The following SCUBE2 variants were observed in gnomAD, a reference collection of about 807,000 sequenced individuals.
SCUBE2 encodes signal peptide, CUB domain and EGF like domain containing 2.
Under a neutral mutation model 125.9 loss-of-function variants are expected in SCUBE2, and 114 were observed. The observed-to-expected ratio is 0.91, with a 90% CI of 0.78 to 1.06. The LOEUF (loss-of-function observed/expected upper bound fraction) is 1.06. Among genes scored for constraint, SCUBE2 ranks in the 50% least tolerant of loss-of-function variants. The pLI is 0.00. For synonymous variants in SCUBE2, 459 were observed against 492.9 expected (o/e 0.93, Z 0.91); for missense variants, 1,255 against 1,301.8 (o/e 0.96, Z 0.55).
At chr11:9,051,375 T>C (rs1349953896) in intron 13 of SCUBE2, among the ~76,000 whole-genome samples, 1 of 152,156 alleles carries the variant, frequency 6.6e-6, no homozygotes, top group Non-Finnish European at 1.5e-5. Flanking sequence ...AGTTCAAATC[T>C]GGATAAGCCC....
intron 13 of SCUBE2, 126 bp downstream of exon 13, chr11:9,052,620 C>G (rs145192630): frequency 3.1e-5 from 21 of 679,856 alleles, no homozygotes; most frequent in African/African-American, 3.1e-4. Flanking sequence ...CACCCTGGAA[C>G]ATGCTCACAG....
chr11:9,067,293 A>C (rs987720712), intron 5 of SCUBE2, among the ~76,000 whole-genome samples: 12 of 152,240 alleles, frequency 7.9e-5, no homozygotes, highest in African/African-American at 2.9e-4. Context: ...AAGGATAATC[A>C]CAGGATGATT....
chr11:9,042,325 C>G (rs1857328111), intron 16 of SCUBE2, among the ~76,000 whole-genome samples: 2 of 152,086 alleles, frequency 1.3e-5, no homozygotes, highest in African/African-American at 2.4e-5. Flanking sequence ...CATGAATGTC[C>G]CTTAGATCCT....
intron 2 of SCUBE2, 107 bp downstream of exon 2, chr11:9,089,600 A>G: frequency 2.4e-6 from 3 of 1,262,708 alleles, no homozygotes; most frequent in Non-Finnish European, 3.3e-6. Flanking sequence ...GGGCTGGGGG[A>G]AAGGGAGAGG....
At chr11:9,028,379 A>G (rs1279925297) in intron 19 of SCUBE2, among the ~76,000 whole-genome samples, 2 of 152,182 alleles carry the variant, frequency 1.3e-5, no homozygotes, top group East Asian at 3.9e-4. Flanking sequence ...ATTAGCTATC[A>G]GTAGGTACAG....
At chr11:9,067,147 T>C (rs1429434610) in intron 5 of SCUBE2, among the ~76,000 whole-genome samples, 1 of 152,172 alleles carries the variant, frequency 6.6e-6, no homozygotes, top group African/African-American at 2.4e-5. Flanking sequence ...CTAGAGAAGT[T>C]TACCTATTAA....
intron 2 of SCUBE2, among the ~76,000 whole-genome samples, chr11:9,081,413 C>G (rs1174822761): frequency 6.6e-6 from 1 of 152,162 alleles, no homozygotes; most frequent in Non-Finnish European, 1.5e-5. Flanking sequence ...TTTGACTACT[C>G]TAAGTATCTC....
chr11:9,083,213 A>T (rs1030227743), intron 2 of SCUBE2, among the ~76,000 whole-genome samples: 2 of 152,090 alleles, frequency 1.3e-5, no homozygotes, highest in African/African-American at 2.4e-5. Flanking sequence ...TAAAAGTGGA[A>T]TACGAAAAGA....
intron 10 of SCUBE2, among the ~76,000 whole-genome samples, 180 bp downstream of exon 10, chr11:9,055,613 T>C (rs902926515): frequency 6.6e-6 from 1 of 152,214 alleles, no homozygotes; most frequent in Non-Finnish European, 1.5e-5. Context: ...AAGGGATACA[T>C]GTGGGGAGAT....
intron 16 of SCUBE2, among the ~76,000 whole-genome samples, chr11:9,039,121 G>C (rs1178455696): frequency 6.6e-6 from 1 of 152,014 alleles, no homozygotes; most frequent in Non-Finnish European, 1.5e-5. Flanking sequence ...ATCCGAAAGT[G>C]AGCCACTGTA....
Position 9,030,346 on chromosome 11 carries a change from T to C in SCUBE2, c.2342-301A>G, listed in dbSNP as rs142921473. On this transcript the variant is annotated intron_variant, in intron 18 of 22. Coordinates refer to ENST00000649792, the MANE Select transcript of SCUBE2 (RefSeq NM_001367977.2). ...TTCATGCAGAGCACGTCTGTGAGTA[T>C]AGGGGGCAGGCAGTTGCAGAACTGA... 55 of 461,594 alleles carry C rather than the reference T, an allele frequency of 1.2e-4. 1 individual carries two copies. The highest frequency in any genetic ancestry group is 4.5e-4 in the African/African-American group (23 of 51,150). 28.6% of individuals were successfully genotyped at this position (461,594 alleles called of 1,614,324 possible). A position where few individuals can be genotyped will look rare whatever the true frequency, so the allele number is the denominator to read the frequency against.
chr11:9,033,848 G>A (rs1032392987), intron 16 of SCUBE2, 52 bp from the exon 17 acceptor site: 1 of 1,584,422 alleles, frequency 6.3e-7, no homozygotes, highest in Non-Finnish European at 8.6e-7. Flanking sequence ...GCCAAGGAAG[G>A]ATGATGTGAG....
At position 9,025,705 on chromosome 11, in the gene SCUBE2, C is replaced by T; in HGVS notation, c.2851G>A (p.Asp951Asn). Residue 951 changes from aspartate to asparagine, a missense_variant, in exon 21 of 23, where the codon GAT becomes AAT. Physicochemically the swap from Asp to Asn is conservative, Grantham distance 23. Coordinates refer to ENST00000649792, the MANE Select transcript of SCUBE2 (RefSeq NM_001367977.2). ...ATGTGCTGCAGGCTGTGCTTACCAT[C>T]ATATGTCACGTATGGGACCTGGAAC... ...RGFQVPYVTY[D>N]EDYQELIEDI... The T allele has an allele frequency of 6.2e-7, 1 of 1,614,086 alleles. No homozygotes were observed. Among genetic ancestry groups the T allele is most frequent in the Non-Finnish European group, 8.5e-7 (1 of 1,179,980 alleles).
chr11:9,041,863 AGAG>A (rs1857279662), intron 16 of SCUBE2, among the ~76,000 whole-genome samples: 1 of 152,170 alleles, frequency 6.6e-6, no homozygotes, highest in African/African-American at 2.4e-5. Context: ...ATGATCTAGC[AGAG>A]GAGAAGAATT....
At position 9,061,895 on chromosome 11, in the gene SCUBE2, T is replaced by C. The variant is rs966722441; in HGVS notation, c.851-1371A>G. On this transcript the variant is annotated intron_variant, in intron 7 of 22. Transcript: ENST00000649792. ...CCAGAGTCCCAGAAAGACTCAGGAA[T>C]TGGAGGTATCAAGTTATTCTAGAGG... 2.0e-5 allele frequency among the ~76,000 whole-genome samples: 3 copies of C among 152,096 alleles called. No individual in the cohort carries two copies. The East Asian group carries it at 5.8e-4, about 29-fold the overall frequency.
At chr11:9,081,064 T>C (rs552130852) in intron 2 of SCUBE2, among the ~76,000 whole-genome samples, 1 of 152,316 alleles carries the variant, frequency 6.6e-6, no homozygotes, top group East Asian at 1.9e-4. Context: ...TTCACTAGAA[T>C]GGTAATAATT....
intron 7 of SCUBE2, among the ~76,000 whole-genome samples, chr11:9,062,571 G>A (rs1195452236): frequency 2.0e-5 from 3 of 152,090 alleles, no homozygotes; most frequent in Non-Finnish European, 4.4e-5. Flanking sequence ...TCAAACCAAC[G>A]GGGAAAAAGA....
At chr11:9,038,124 G>GAC (rs1352669343) in intron 16 of SCUBE2, among the ~76,000 whole-genome samples, 1 of 151,778 alleles carries the variant, frequency 6.6e-6, no homozygotes, top group Non-Finnish European at 1.5e-5. Context: ...CAGCAGAGAA[G>GAC]AGACATGACC....
Position 9,065,928 on chromosome 11 carries a change from C to G in SCUBE2, c.813G>C (p.Val271=). ...EVTESNTTSV[V]DGDKRVKRRL... is the part of the protein sequence containing the mutation. ...GCCGTTTCACCCGTTTATCCCCATC[C>G]ACCACTGATGTGGTGTTGCTCTCTG... Residue 271 remains valine (V), a synonymous_variant, in exon 7 of 23, where the codon GTG becomes GTC. Transcript: ENST00000649792. The G allele has an allele frequency of 5.6e-6, 9 of 1,614,196 alleles. No homozygotes were observed. The highest frequency in any genetic ancestry group is 1.6e-4 in the Middle Eastern group (1 of 6,062).
Sources: allele counts gnomAD v4.1 joint callset (sites outside exome capture counted in the v4.1 genomes callset), GRCh38; gene constraint gnomAD v4.1.1; transcripts MANE v1.5; gene names NCBI Gene and HGNC (gene_info 2026-07-23, HGNC 2026-07-21).